The following THAP5 variants were observed in gnomAD, a reference collection of about 807,000 sequenced individuals.
THAP5 encodes THAP domain containing 5, also known as THAP domain-containing protein 5.
In THAP5, 26 loss-of-function variants were observed where a neutral mutation model predicts 34.0. The ratio of observed to expected loss-of-function variants is 0.77; its 90% CI spans 0.56 to 1.06. The LOEUF (loss-of-function observed/expected upper bound fraction) is 1.06. THAP5 is among the 50% of genes least tolerant of loss of function. THAP5 has a pLI of 0.00. For synonymous variants in THAP5, 125 were observed against 153.0 expected (o/e 0.82, Z 1.35); for missense variants, 394 against 452.8 (o/e 0.87, Z 1.18).
chr7:108,565,203 G>A (rs1211395592), intron 2 of THAP5, 98 bp from the exon 3 acceptor site: 6 of 946,048 alleles, frequency 6.3e-6, no homozygotes, highest in Non-Finnish European at 9.0e-6. Context: ...CACTGGCCAA[G>A]CAAATTTATT....
downstream of THAP5, among the ~76,000 whole-genome samples, chr7:108,561,430 A>ATT (rs372485775): frequency 2.4e-3 from 305 of 127,948 alleles, 2 homozygotes; most frequent in African/African-American, 8.0e-3. Context: ...TGCCTGGCTG[A>ATT]TTTTTTTTTT....
chr7:108,567,190 G>A (rs938131033), intron 1 of THAP5, among the ~76,000 whole-genome samples: 1 of 152,014 alleles, frequency 6.6e-6, no homozygotes. Flanking sequence ...AACTACCTTT[G>A]GAAATTCCAA....
chr7:108,549,160 T>C, the THAP5 span, among the ~76,000 whole-genome samples: 1 of 149,716 alleles, frequency 6.7e-6, no homozygotes, highest in Non-Finnish European at 1.5e-5. Flanking sequence ...TCTCGCTTTG[T>C]CACCAGGCTG....
In THAP5 at chr7:108,564,643, A is replaced by G. The variant is rs1790443629; in HGVS notation, c.736T>C (p.Ser246Pro). ...AATAAGAATGGATTTTCCTGTGCTG[A>G]CTTTATTTCCATGGAATTACTTGTA... Reference protein sequence around the residue: ...NFTSNSMEIKSAQENPFLFST... With the variant: ...NFTSNSMEIKPAQENPFLFST... Residue 246 changes from serine to proline, a missense_variant, in exon 3 of 3, where the codon TCA (serine) becomes CCA (proline). Coordinates refer to ENST00000415914, the MANE Select transcript of THAP5 (RefSeq NM_001130475.3). 1 of 1,613,984 alleles carries G rather than the reference A, an allele frequency of 6.2e-7. No individual in the cohort carries two copies. The highest frequency in any genetic ancestry group is 1.1e-5 in the South Asian group (1 of 91,084).
At chr7:108,569,099 C>T (rs1790551859) in intron 1 of THAP5, 13 of 1,046,460 alleles carry the variant, frequency 1.2e-5, no homozygotes, top group Non-Finnish European at 1.4e-5. Context: ...TGCGACCTAC[C>T]TCGCGGGGGG....
At chr7:108,552,765 A>G (rs1248053005), downstream of THAP5, among the ~76,000 whole-genome samples, 1 of 151,338 alleles carries the variant, frequency 6.6e-6, no homozygotes, top group Admixed American at 6.6e-5. Flanking sequence ...ACGCTATTGC[A>G]CTCCAGCCTG....
chr7:108,563,969 T>C lies in THAP5; in HGVS notation c.*222A>G. Reference sequence around the variant, plus strand: ...AATCCTTCTATGTGCTAAATTTTAATTTGGAAAATTATCAAGTAATAAAAC... The same window carrying C: ...AATCCTTCTATGTGCTAAATTTTAACTTGGAAAATTATCAAGTAATAAAAC... On this transcript the variant is annotated 3_prime_UTR_variant, in exon 3 of 3. Coordinates refer to ENST00000415914, the MANE Select transcript of THAP5 (RefSeq NM_001130475.3). 3 of 394,044 alleles carry C rather than the reference T, an allele frequency of 7.6e-6. No homozygotes were observed. Among genetic ancestry groups the C allele is most frequent in the Non-Finnish European group, 1.4e-5 (3 of 222,010 alleles). 24.4% of individuals were successfully genotyped at this position (394,044 alleles called of 1,614,324 possible).
chr7:108,549,089 T>TAC, the THAP5 span, among the ~76,000 whole-genome samples: 32,184 of 136,268 alleles, frequency 0.24, 4,045 homozygotes, highest in Non-Finnish European at 0.3. Context: ...ACATGCTTAA[T>TAC]ACACACACAC....
At chr7:108,555,323 C>G (rs1045903652) in intron 1 of THAP5, among the ~76,000 whole-genome samples, 33 of 152,152 alleles carry the variant, frequency 2.2e-4, no homozygotes, top group African/African-American at 8.0e-4. Flanking sequence ...CGCCACCATG[C>G]CCAGTTAATT....
At chr7:108,544,781 CT>C in the THAP5 span, among the ~76,000 whole-genome samples, 1 of 152,030 alleles carries the variant, frequency 6.6e-6, no homozygotes, top group Non-Finnish European at 1.5e-5. Flanking sequence ...CCTCAGCCTC[CT>C]GAATAACTGG....
the THAP5 span, among the ~76,000 whole-genome samples, chr7:108,545,119 G>T: frequency 6.6e-6 from 1 of 152,078 alleles, no homozygotes; most frequent in Non-Finnish European, 1.5e-5. Context: ...TGAATTTGAG[G>T]CTACCTTTTT....
chr7:108,563,818 G>C lies in THAP5; in HGVS notation c.*373C>G, dbSNP rs148176417. 0.011 allele frequency: 1,778 copies of C among 160,528 alleles called. 16 individuals are homozygous for C. The highest frequency in any genetic ancestry group is 0.018 in the Non-Finnish European group (1,343 of 73,716). 9.9% of individuals were successfully genotyped at this position (160,528 alleles called of 1,614,324 possible). A position where few individuals can be genotyped will look rare whatever the true frequency, so the allele number is the denominator to read the frequency against. On this transcript the variant is annotated 3_prime_UTR_variant, in exon 3 of 3. Coordinates refer to ENST00000415914, the MANE Select transcript of THAP5 (RefSeq NM_001130475.3). The stretch of plus-strand genomic sequence containing the variant: ...GTAAGTGCTTATTTTACAAATTAGG[G>C]ACTGAGGCACAATCATAAGTAACTT...
At chr7:108,558,377 G>GTGTGTATATATATATATATATA (rs1401164750), downstream of THAP5, among the ~76,000 whole-genome samples, 49 of 62,968 alleles carry the variant, frequency 7.8e-4, 1 homozygote, top group African/African-American at 2.9e-3. Context: ...ATGTGTGTGT[G>GTGTGTATATATATATATATATA]TATGTATATA....
rs1412239231 is a variant in THAP5 at position 108,569,576 on chromosome 7, G to A, written c.-7C>T. The A allele has an allele frequency of 3.2e-6, 5 of 1,551,152 alleles. No individual in the cohort carries two copies. Among genetic ancestry groups the A allele is most frequent in the Non-Finnish European group, 4.4e-6 (5 of 1,147,028 alleles). On this transcript the variant is annotated 5_prime_UTR_variant, in exon 1 of 3. Transcript: ENST00000415914. ...CTGCGCAATAGCGGGGCATGACTCG[G>A]GTGAGGCCCCTGGAGACCGGGGCCG...
chr7:108,551,019 A>C (rs762263616), downstream of THAP5, among the ~76,000 whole-genome samples: 1 of 152,110 alleles, frequency 6.6e-6, no homozygotes, highest in Non-Finnish European at 1.5e-5. Context: ...TAACATTTTA[A>C]ATTACTAGAG....
upstream of THAP5, chr7:108,569,730 G>A (rs1005408462): frequency 9.8e-6 from 9 of 913,738 alleles, no homozygotes; most frequent in African/African-American, 6.7e-5. Context: ...CGCCTCCTCC[G>A]GTTTAAGCAC....
rs1428000826 is a variant in THAP5, at chr7:108,569,591, G to T, written c.-22C>A. On this transcript the variant is annotated 5_prime_UTR_variant, in exon 1 of 3. Coordinates refer to ENST00000415914, the MANE Select transcript of THAP5 (RefSeq NM_001130475.3). The stretch of plus-strand genomic sequence containing the variant: ...GCATGACTCGGGTGAGGCCCCTGGA[G>T]ACCGGGGCCGGCGACGGATGCAGGG... 6.4e-7 allele frequency: 1 copy of T among 1,550,404 alleles called. No homozygotes were observed.
Position 108,565,000 on chromosome 7 carries a change from T to C in THAP5, c.379A>G (p.Lys127Glu). The stretch of plus-strand genomic sequence containing the variant: ...ACATCTGTGTTAACTATATTTTTCT[T>C]TGTCTCATTTAATACAAATGATTCT... ...SEESFVLNET[K>E]KNIVNTDVPH... The change falls in exon 3 of 3, where the codon AAG becomes GAG. Residue 127 changes from lysine to glutamate, a missense_variant. By Grantham distance (56) the Lys-to-Glu change is moderately conservative. Transcript: ENST00000415914. The C allele has an allele frequency of 6.4e-7, 1 of 1,552,128 alleles. No individual in the cohort carries two copies. The highest frequency in any genetic ancestry group is 8.7e-7 in the Non-Finnish European group (1 of 1,147,062).
downstream of THAP5, among the ~76,000 whole-genome samples, chr7:108,557,738 G>T (rs968407637): frequency 1.3e-5 from 2 of 152,110 alleles, no homozygotes; most frequent in Admixed American, 1.3e-4. Flanking sequence ...CCTCCAAATT[G>T]TTCCAACCTT....
Sources: gnomAD v4.1 joint callset for allele counts (sites outside exome capture counted in the v4.1 genomes callset) on GRCh38, gnomAD v4.1.1 for gene constraint, MANE v1.5 for transcripts, NCBI Gene and HGNC (gene_info 2026-07-23, HGNC 2026-07-21) for gene names.